Variants in TAF1B observed in about 807,000 individuals in gnomAD.
TAF1B encodes the protein TATA-box binding protein associated factor, RNA polymerase I subunit B.
A neutral mutation model predicts 83.9 loss-of-function variants in TAF1B; 61 were observed. The ratio of observed to expected loss-of-function variants is 0.73; its 90% CI spans 0.59 to 0.90. TAF1B has a LOEUF of 0.90. Among genes scored for constraint, TAF1B ranks in the 40% least tolerant of loss-of-function variants. The pLI is 0.00. For synonymous variants in TAF1B, 221 were observed against 224.6 expected (o/e 0.98, Z 0.14); for missense variants, 625 against 677.0 (o/e 0.92, Z 0.85).
intron 5 of TAF1B, among the ~76,000 whole-genome samples, chr2:9,864,651 G>C (rs573413055): frequency 2.6e-5 from 4 of 152,258 alleles, no homozygotes; most frequent in Admixed American, 2.6e-4. Context: ...GAGAATTTTA[G>C]ATCAATATCC....
intron 3 of TAF1B, among the ~76,000 whole-genome samples, chr2:9,850,900 A>G (rs1285610524): frequency 1.3e-5 from 2 of 152,238 alleles, no homozygotes; most frequent in African/African-American, 4.8e-5. Flanking sequence ...TGAGATCAGT[A>G]TTAGTACCTT....
chr2:9,909,444 G>A (rs1665456222), intron 9 of TAF1B, among the ~76,000 whole-genome samples: 2 of 152,250 alleles, frequency 1.3e-5, no homozygotes, highest in Non-Finnish European at 2.9e-5. Flanking sequence ...AGGAATGGGG[G>A]AAAGAAACTG....
At chr2:9,912,979 T>C (rs1665577565) in intron 11 of TAF1B, among the ~76,000 whole-genome samples, 180 bp from the exon 12 acceptor site, 1 of 151,886 alleles carries the variant, frequency 6.6e-6, no homozygotes, top group Non-Finnish European at 1.5e-5. Context: ...AGTGAAAGAG[T>C]GAGGAGTGAG....
intron 5 of TAF1B, among the ~76,000 whole-genome samples, chr2:9,859,518 C>T (rs1424793411): frequency 6.6e-6 from 1 of 151,678 alleles, no homozygotes; most frequent in Non-Finnish European, 1.5e-5. Context: ...TCCCGAGTAG[C>T]TGGGACTATA....
At chr2:9,846,839 T>A (rs1282285374) in intron 2 of TAF1B, among the ~76,000 whole-genome samples, 1 of 152,172 alleles carries the variant, frequency 6.6e-6, no homozygotes, top group Non-Finnish European at 1.5e-5. Context: ...GGAGATATAT[T>A]TTGTGTGTGT....
chr2:9,913,336 C>T (rs1375018371), intron 12 of TAF1B, 87 bp downstream of exon 12: 1 of 1,021,776 alleles, frequency 9.8e-7, no homozygotes, highest in Admixed American at 2.3e-5. Context: ...CATCAGTATA[C>T]ACTTATCTAC....
intron 2 of TAF1B, among the ~76,000 whole-genome samples, chr2:9,848,593 G>A (rs944131623): frequency 6.6e-6 from 1 of 152,106 alleles, no homozygotes. Flanking sequence ...TTGAACCTGG[G>A]AGGCAAAGGT....
intron 12 of TAF1B, 86 bp from the exon 13 acceptor site, chr2:9,918,955 T>C: frequency 8.7e-7 from 1 of 1,149,808 alleles, no homozygotes; most frequent in Non-Finnish European, 1.3e-6. Context: ...TAACGAAATA[T>C]CAGAAATCTC....
At chr2:9,892,310 C>T (rs1459124675) in intron 8 of TAF1B, among the ~76,000 whole-genome samples, 1 of 152,166 alleles carries the variant, frequency 6.6e-6, no homozygotes, top group African/African-American at 2.4e-5. Flanking sequence ...ACACTCTTCA[C>T]ACAATGAAAT....
In TAF1B at chr2:9,843,665, G is replaced by A. The variant is rs1481624850; in HGVS notation, c.18+106G>A. The A allele has an allele frequency of 7.0e-6, 9 of 1,279,944 alleles. No individual in the cohort carries two copies. The East Asian group carries it at 1.8e-4, about 26-fold the overall frequency. The allele number at this position is 1,279,944 out of a possible 1,614,324, so 79.3% of individuals were successfully genotyped here. ...CGCGGGTTGGGGCGGCGACGCCACC[G>A]GCTGGAGGAAGGCGGGGCGGAGGGC... On this transcript the variant is annotated intron_variant, in intron 1 of 14. Transcript: ENST00000263663.
chr2:9,846,725 C>T (rs1228999376), intron 2 of TAF1B, among the ~76,000 whole-genome samples: 1 of 152,202 alleles, frequency 6.6e-6, no homozygotes, highest in Non-Finnish European at 1.5e-5. Context: ...CTTATCTCTG[C>T]TTCCTGTTTA....
intron 5 of TAF1B, among the ~76,000 whole-genome samples, chr2:9,867,992 G>A (rs1664047400): frequency 6.6e-6 from 1 of 152,196 alleles, no homozygotes; most frequent in South Asian, 2.1e-4. Flanking sequence ...GTTTTCAGTG[G>A]TGAAGATATT....
At chr2:9,893,996 G>A (rs1417110730) in intron 8 of TAF1B, among the ~76,000 whole-genome samples, 3 of 152,138 alleles carry the variant, frequency 2.0e-5, no homozygotes, top group East Asian at 3.9e-4. Flanking sequence ...GCTAAAGGAT[G>A]TTGTCTAAAT....
At chr2:9,845,132 G>A (rs991226761) in intron 1 of TAF1B, 88 bp from the exon 2 acceptor site, 28 of 863,932 alleles carry the variant, frequency 3.2e-5, no homozygotes, top group Admixed American at 9.0e-5. Flanking sequence ...AAGTTGCCAG[G>A]AACCCATTAA....
At position 9,919,739 on chromosome 2, in the gene TAF1B, A is replaced by C. The variant is rs539432217; in HGVS notation, c.1484A>C (p.Gln495Pro). The change falls in exon 14 of 15, where the codon CAG becomes CCG. Residue 495 changes from glutamine to proline, a missense_variant. Gln to Pro is a moderately conservative substitution (Grantham distance 76). Transcript: ENST00000263663. ...ACGTGTTTCCATGGACACAGCCTTCAGGGAGTCCTGAAAGAGAAAGGCCAA... is the reference window on the plus strand; with the variant it reads ...ACGTGTTTCCATGGACACAGCCTTCCGGGAGTCCTGAAAGAGAAAGGCCAA... ...DRTCFHGHSLQGVLKEKGQSL... is the reference protein window; with the variant it reads ...DRTCFHGHSLPGVLKEKGQSL... 3 of 1,614,222 alleles carry C rather than the reference A, an allele frequency of 1.9e-6. No homozygotes were observed. The highest frequency in any genetic ancestry group is 2.5e-6 in the Non-Finnish European group (3 of 1,180,028).
intron 9 of TAF1B, among the ~76,000 whole-genome samples, chr2:9,908,325 G>A (rs946837748): frequency 1.3e-5 from 2 of 151,992 alleles, no homozygotes; most frequent in Non-Finnish European, 2.9e-5. Context: ...GGGATTACAG[G>A]CGTGAGCCAC....
chr2:9,862,037 G>A (rs561823104), intron 5 of TAF1B, among the ~76,000 whole-genome samples: 8 of 144,314 alleles, frequency 5.5e-5, no homozygotes, highest in South Asian at 4.5e-4. Flanking sequence ...AAATCAGAAC[G>A]CCTCTCCTCC....
intron 12 of TAF1B, among the ~76,000 whole-genome samples, chr2:9,918,337 C>CATGT (rs2125177954): frequency 1.3e-5 from 2 of 152,304 alleles, no homozygotes; most frequent in East Asian, 3.9e-4. Context: ...AGAAATAGAA[C>CATGT]ATGTCACTTC....
intron 5 of TAF1B, among the ~76,000 whole-genome samples, chr2:9,858,344 A>C (rs1340435749): frequency 6.6e-6 from 1 of 152,208 alleles, no homozygotes; most frequent in East Asian, 1.9e-4. Context: ...GGTCTTGGGC[A>C]GCTTTGCTCC....
Sources: gnomAD v4.1 joint callset for allele counts (sites outside exome capture counted in the v4.1 genomes callset) on GRCh38, gnomAD v4.1.1 for gene constraint, MANE v1.5 for transcripts, NCBI Gene and HGNC (gene_info 2026-07-23, HGNC 2026-07-21) for gene names.